The following LPCAT1 variants were observed in gnomAD, a reference collection of about 807,000 sequenced individuals.
The protein encoded by LPCAT1 is 1-acylglycerol-3-phosphate O-acyltransferase.
A neutral mutation model predicts 60.9 loss-of-function variants in LPCAT1; 23 were observed. The ratio of observed to expected loss-of-function variants is 0.38; its 90% confidence interval spans 0.27 to 0.53. The LOEUF (loss-of-function observed/expected upper bound fraction) is 0.53, where lower values mean the gene tolerates loss of function less well. LPCAT1 is among the 20% of genes least tolerant of loss of function. LPCAT1 has a pLI of 0.82. For missense variants in LPCAT1, 622 were observed against 723.6 expected (o/e 0.86, Z 1.61); for synonymous variants, 340 against 301.1 (o/e 1.13, Z -1.34).
chr5:1,484,680 G>A (rs1434129848), intron 5 of LPCAT1, among the ~76,000 whole-genome samples: 4 of 152,242 alleles, frequency 2.6e-5, no homozygotes, highest in Non-Finnish European at 5.9e-5. Context: ...GGTGGCCTGA[G>A]GCCAGAGGCC....
intron 12 of LPCAT1, among the ~76,000 whole-genome samples, chr5:1,467,882 C>G (rs1734494288): frequency 1.3e-5 from 2 of 152,160 alleles, no homozygotes; most frequent in African/African-American, 4.8e-5. Flanking sequence ...CGCCCTCTCT[C>G]TGCCTGGGGT....
At position 1,489,758 on chromosome 5, in the gene LPCAT1, T is replaced by C. The variant is rs774145698; in HGVS notation, c.594A>G (p.Gly198=). 2.6e-5 allele frequency: 42 copies of C among 1,612,660 alleles called. No homozygotes were observed. Among genetic ancestry groups the C allele is most frequent in the Non-Finnish European group, 3.4e-5 (40 of 1,178,696 alleles). ...CTACGTGCATTACCTGTGGCCACTT[T>C]CCGTTGGACTGCGCCCGTCTCTTGA... is the stretch of plus-strand genomic sequence containing the variant. ...EEIKRRAQSN[G]KWPQIMIFPE... The change falls in exon 4 of 14, where the codon GGA becomes GGG. Residue 198 remains glycine (G), a synonymous_variant. Transcript: ENST00000283415.
At chr5:1,510,572 T>A (rs1490874055) in intron 1 of LPCAT1, among the ~76,000 whole-genome samples, 1 of 152,228 alleles carries the variant, frequency 6.6e-6, no homozygotes, top group Non-Finnish European at 1.5e-5. Flanking sequence ...TGCTGCACGG[T>A]GTTGAATGGG....
chr5:1,500,087 G>A (rs926485354), intron 2 of LPCAT1, among the ~76,000 whole-genome samples: 3 of 152,238 alleles, frequency 2.0e-5, no homozygotes, highest in East Asian at 1.9e-4. Flanking sequence ...GCAGGCCAGC[G>A]GGCGTGCCCG....
chr5:1,484,049 G>GT (rs1560967733), intron 5 of LPCAT1, among the ~76,000 whole-genome samples: 2 of 152,222 alleles, frequency 1.3e-5, no homozygotes, highest in East Asian at 3.8e-4. Flanking sequence ...CTGCCTCGGG[G>GT]CCCCACCCGC....
chr5:1,473,558 G>A (rs1734775774), intron 11 of LPCAT1, among the ~76,000 whole-genome samples: 2 of 152,232 alleles, frequency 1.3e-5, no homozygotes, highest in Admixed American at 6.5e-5. Context: ...ACAGGCTGGC[G>A]GGGAGCCTCT....
intron 3 of LPCAT1, among the ~76,000 whole-genome samples, chr5:1,493,203 C>A (rs948336087): frequency 1.3e-5 from 2 of 152,244 alleles, no homozygotes; most frequent in Non-Finnish European, 2.9e-5. Flanking sequence ...CCACCAAGGA[C>A]CATCCCCGAT....
At chr5:1,492,527 C>T (rs9799949) in intron 3 of LPCAT1, among the ~76,000 whole-genome samples, 39,657 of 149,944 alleles carry the variant, frequency 0.26, 5,653 homozygotes, top group East Asian at 0.44. Flanking sequence ...TGAATTCTAA[C>T]GAAAATTTCT....
chr5:1,466,808 A>C lies in LPCAT1; in HGVS notation c.1361T>G (p.Leu454Arg). 1 of 1,613,182 alleles carries C rather than the reference A, an allele frequency of 6.2e-7. No individual in the cohort carries two copies. The highest frequency in any genetic ancestry group is 8.5e-7 in the Non-Finnish European group (1 of 1,179,482). The change falls in exon 13 of 14, where the codon CTC becomes CGC. Residue 454 changes from leucine to arginine, a missense_variant. Around this residue, in one of 3 missense-constraint regions of LPCAT1, gnomAD observed 288 missense variants for 283.6 expected, o/e 1.02. Coordinates refer to ENST00000283415, the MANE Select transcript of LPCAT1 (RefSeq NM_024830.5). ...GGCTCGGAATAGGTCGGTCACGGTG[A>C]GCTCTGCCACCCCCAGGGCCGTCTT... ...ILKTALGVAE[L>R]TVTDLFRAID...
rs1241507407 is a variant in LPCAT1 at position 1,483,324 on chromosome 5, T to C, written c.726+104A>G. On this transcript the variant is annotated intron_variant, in intron 6 of 13. Coordinates refer to ENST00000283415, the MANE Select transcript of LPCAT1 (RefSeq NM_024830.5). This position sits in a 1 kb window ranked among gnomAD's most constrained non-coding sequence, Gnocchi z 9.2. ...GGCCAAGTGTGGGCTGTGGCGCAGA[T>C]AAAGGGTGTGGAGAGACAGAGACAC... is the stretch of plus-strand genomic sequence containing the variant. The C allele has an allele frequency of 1.1e-5, 13 of 1,217,890 alleles. No homozygotes were observed. Among genetic ancestry groups the C allele is most frequent in the African/African-American group, 4.5e-5 (3 of 67,244 alleles). The allele number at this position is 1,217,890 out of a possible 1,614,324, so 75.4% of individuals were successfully genotyped here.
Position 1,480,093 on chromosome 5 carries a change from G to A in LPCAT1, c.762-418C>T, listed in dbSNP as rs1163121033. Among the ~76,000 whole-genome samples the A allele has an allele frequency of 2.0e-5, 3 of 151,800 alleles. No individual in the cohort carries two copies. The South Asian group carries it at 6.2e-4, about 32-fold the overall frequency. On this transcript the variant is annotated intron_variant, in intron 7 of 13. Transcript: ENST00000283415. This position sits in a 1 kb window ranked among gnomAD's most constrained non-coding sequence, Gnocchi z 6.4. ...CAGGATCACCATGCCTTTGCCGCAG[G>A]AGTTGACATGGGAGACATTTGGAGC...
intron 1 of LPCAT1, among the ~76,000 whole-genome samples, chr5:1,517,407 T>C (rs1400379109): frequency 1.3e-5 from 2 of 152,142 alleles, no homozygotes; most frequent in Admixed American, 6.5e-5. Flanking sequence ...CAACCAGTCA[T>C]GTCCAAGCAG....
intron 13 of LPCAT1, 148 bp downstream of exon 13, chr5:1,466,601 G>A (rs991101696): frequency 2.5e-6 from 2 of 802,070 alleles, no homozygotes; most frequent in African/African-American, 3.6e-5. Flanking sequence ...TTCCTTCTCA[G>A]GGGTTTCTTT....
rs1163559935 is a variant in LPCAT1, at chr5:1,487,289, G to C, written c.667+1102C>G. Among the ~76,000 whole-genome samples the C allele has an allele frequency of 1.3e-5, 2 of 152,232 alleles. No individual in the cohort carries two copies. Among genetic ancestry groups the C allele is most frequent in the Non-Finnish European group, 1.5e-5 (1 of 68,042 alleles). On this transcript the variant is annotated intron_variant, in intron 5 of 13. Coordinates refer to ENST00000283415, the MANE Select transcript of LPCAT1 (RefSeq NM_024830.5). This position sits in a 1 kb window ranked among gnomAD's most constrained non-coding sequence, Gnocchi z 6.1. ...GGACCCAGTGTGGTGGGGGCACACG[G>C]ATTCGTGGTCACCGCGTGCCGCCTC...
At chr5:1,479,953 T>A (rs27060) in intron 7 of LPCAT1, among the ~76,000 whole-genome samples, 2,489 of 151,862 alleles carry the variant, frequency 0.016, 71 homozygotes, top group East Asian at 0.12. Flanking sequence ...TCAGGAGACC[T>A]CGTACAGCCC....
At chr5:1,516,080 G>A (rs905222747) in intron 1 of LPCAT1, among the ~76,000 whole-genome samples, 6 of 152,280 alleles carry the variant, frequency 3.9e-5, no homozygotes, top group Admixed American at 3.9e-4. Flanking sequence ...GACACAGAGG[G>A]AGGGCTGCTG....
chr5:1,470,878 G>C lies in LPCAT1; in HGVS notation c.1226C>G (p.Ser409Cys). The C allele has an allele frequency of 1.2e-6, 2 of 1,613,626 alleles. No individual in the cohort carries two copies. The highest frequency in any genetic ancestry group is 1.7e-6 in the Non-Finnish European group (2 of 1,180,020). ...GGTCCGGGCCGGCCGGCAGACGACA[G>C]ACAGGGCAACCACACACTCTCGCAG... ...VDLRECVVAL[S>C]VVCRPARTLD... is the part of the protein sequence containing the mutation. Residue 409 changes from serine (S) to cysteine (C), a missense_variant, in exon 12 of 14, where the codon TCT (serine) becomes TGT (cysteine). This residue lies in a region of LPCAT1 where 288 missense variants were observed against 283.6 expected (regional missense o/e 1.02). Coordinates refer to ENST00000283415, the MANE Select transcript of LPCAT1 (RefSeq NM_024830.5).
At position 1,483,738 on chromosome 5, in the gene LPCAT1, G is replaced by A. The variant is rs149228977; in HGVS notation, c.668-252C>T. 1.3e-5 allele frequency among the ~76,000 whole-genome samples: 2 copies of A among 151,646 alleles called. No individual in the cohort carries two copies. The highest frequency in any genetic ancestry group is 2.0e-4 in the East Asian group (1 of 5,076). Reference sequence around the variant, plus strand: ...GGAACACTTTCTGTTTTAACATCGCGCACGAGCTGGAAGGCGTCTGTGGAG... The same window carrying A: ...GGAACACTTTCTGTTTTAACATCGCACACGAGCTGGAAGGCGTCTGTGGAG... On this transcript the variant is annotated intron_variant, in intron 5 of 13. Coordinates refer to ENST00000283415, the MANE Select transcript of LPCAT1 (RefSeq NM_024830.5). The surrounding 1 kb of genome is among the most constrained non-coding windows in gnomAD (Gnocchi z 9.2).
rs537059790 is a variant in LPCAT1, at chr5:1,512,188, G to A, written c.136-10585C>T. Among the ~76,000 whole-genome samples the A allele has an allele frequency of 1.9e-4, 29 of 152,308 alleles. No individual in the cohort carries two copies. The South Asian group carries it at 5.8e-3, about 30-fold the overall frequency. ...GGCACAGTAGTCTGAGCTCCTGTGTGGCGTGCGGCCCCGTGAGTCGCAGTG... is the reference window on the plus strand; with the variant it reads ...GGCACAGTAGTCTGAGCTCCTGTGTAGCGTGCGGCCCCGTGAGTCGCAGTG... On this transcript the variant is annotated intron_variant, in intron 1 of 13. Transcript: ENST00000283415.
Sources: allele counts gnomAD v4.1 joint callset (sites outside exome capture counted in the v4.1 genomes callset), GRCh38; gene constraint gnomAD v4.1.1; regional missense constraint gnomAD v4.1.1; non-coding constraint Gnocchi (gnomAD v3.1); transcripts MANE v1.5; gene names NCBI Gene and HGNC (gene_info 2026-07-23, HGNC 2026-07-21).